Variants in LIFR observed in about 807,000 individuals in gnomAD.
LIFR encodes the protein leukemia inhibitory factor receptor.
A neutral mutation model predicts 122.2 loss-of-function variants in LIFR; 84 were observed. The observed-to-expected ratio is 0.69, with a 90% confidence interval of 0.58 to 0.82. LIFR has a LOEUF of 0.82. LIFR is among the 40% of genes least tolerant of loss of function. The pLI is 0.00. For missense variants in LIFR, 1,294 were observed against 1,311.6 expected (o/e 0.99, Z 0.21); for synonymous variants, 422 against 434.7 (o/e 0.97, Z 0.36).
At position 38,511,978 on chromosome 5, in the gene LIFR, CAAACACA is replaced by C; in HGVS notation, c.562-21_562-15del. 6.2e-7 allele frequency: 1 copy of C among 1,613,238 alleles called. No homozygotes were observed. The highest frequency in any genetic ancestry group is 8.5e-7 in the Non-Finnish European group (1 of 1,179,494). ...GTTGTGGGTCACCTAAAAATGAACA[CAAACACA>C]AAACTGTATTTCCAAGTAGCAATAT... On this transcript the variant is annotated splice_polypyrimidine_tract_variant and intron_variant, in intron 5 of 19. Transcript: ENST00000453190.
chr5:38,541,077 A>C (rs1747566737), intron 1 of LIFR, among the ~76,000 whole-genome samples: 1 of 152,200 alleles, frequency 6.6e-6, no homozygotes, highest in African/African-American at 2.4e-5. Flanking sequence ...TCAAAATCTT[A>C]AGCATCATCT....
intron 17 of LIFR, 131 bp downstream of exon 17, chr5:38,485,688 C>A: frequency 2.0e-6 from 2 of 979,374 alleles, no homozygotes; most frequent in South Asian, 2.8e-5. Context: ...CTTCCCTCTA[C>A]CAGCCAAAAA....
chr5:38,542,355 GATA>G (rs925993257), intron 1 of LIFR, among the ~76,000 whole-genome samples: 8 of 152,140 alleles, frequency 5.3e-5, no homozygotes, highest in Non-Finnish European at 7.4e-5. Context: ...AAAAGGACAT[GATA>G]GAAGACGGTA....
At chr5:38,581,444 G>C (rs1158689913) in intron 1 of LIFR, among the ~76,000 whole-genome samples, 1 of 152,126 alleles carries the variant, frequency 6.6e-6, no homozygotes, top group Non-Finnish European at 1.5e-5. Context: ...CCCTTTCATA[G>C]TCCTGTGCCT....
At chr5:38,606,406 A>G (rs1750330921) in intron 1 of LIFR, 1 of 152,278 alleles carries the variant, frequency 6.6e-6, no homozygotes, top group African/African-American at 2.4e-5. Context: ...AGATCTAGCC[A>G]GGAACCCATC....
chr5:38,565,338 A>AAAT (rs1580200656), intron 1 of LIFR, among the ~76,000 whole-genome samples: 1 of 152,164 alleles, frequency 6.6e-6, no homozygotes, highest in Non-Finnish European at 1.5e-5. Flanking sequence ...ATGAAAAAGA[A>AAAT]TATTAAGTCC....
intron 14 of LIFR, among the ~76,000 whole-genome samples, 181 bp downstream of exon 14, chr5:38,493,425 T>C (rs1744703813): frequency 6.6e-6 from 1 of 152,184 alleles, no homozygotes; most frequent in South Asian, 2.1e-4. Context: ...TCTAGACCAG[T>C]AATTACCAGA....
At chr5:38,584,519 A>C (rs1749685925) in intron 1 of LIFR, among the ~76,000 whole-genome samples, 2 of 152,106 alleles carry the variant, frequency 1.3e-5, no homozygotes, top group Admixed American at 1.3e-4. Flanking sequence ...CACACACTGG[A>C]ATATTATTTA....
At chr5:38,547,994 T>C (rs1380295214) in intron 1 of LIFR, among the ~76,000 whole-genome samples, 1 of 152,184 alleles carries the variant, frequency 6.6e-6, no homozygotes, top group African/African-American at 2.4e-5. Flanking sequence ...ATATATGGTC[T>C]GTTACTGACC....
chr5:38,528,943 G>A, intron 2 of LIFR, 103 bp from the exon 3 acceptor site: 1 of 750,824 alleles, frequency 1.3e-6, no homozygotes, highest in East Asian at 2.8e-5. Flanking sequence ...ACCATTTTCA[G>A]TTGTAAGCAC....
At chr5:38,517,152 C>G (rs563140640) in intron 5 of LIFR, among the ~76,000 whole-genome samples, 1 of 152,052 alleles carries the variant, frequency 6.6e-6, no homozygotes, top group Non-Finnish European at 1.5e-5. Flanking sequence ...ACGTATACAC[C>G]TATGTAACAA....
chr5:38,500,240 A>C (rs1219598951), intron 11 of LIFR, among the ~76,000 whole-genome samples: 1 of 151,984 alleles, frequency 6.6e-6, no homozygotes, highest in Non-Finnish European at 1.5e-5. Flanking sequence ...GATCCTACAA[A>C]CTCCATAGGC....
chr5:38,574,474 C>T (rs1749319197), intron 1 of LIFR, among the ~76,000 whole-genome samples: 1 of 152,172 alleles, frequency 6.6e-6, no homozygotes, highest in Non-Finnish European at 1.5e-5. Context: ...AGGACAAGGA[C>T]ACTTTTTTGT....
chr5:38,544,784 G>A (rs568367598), intron 1 of LIFR, among the ~76,000 whole-genome samples: 1 of 152,258 alleles, frequency 6.6e-6, no homozygotes, highest in East Asian at 1.9e-4. Context: ...AGCATAGGTG[G>A]GGAGGAAGAG....
At chr5:38,557,880 C>T (rs1012682867), upstream of LIFR, 4 of 152,166 alleles carry the variant, frequency 2.6e-5, no homozygotes, top group Non-Finnish European at 5.9e-5. Context: ...CTCCTGTTAC[C>T]CCTAAGACCT....
upstream of LIFR, among the ~76,000 whole-genome samples, chr5:38,597,416 C>G (rs1750129152): frequency 1.3e-5 from 2 of 152,188 alleles, no homozygotes; most frequent in Admixed American, 1.3e-4. Context: ...CCTAGCATCC[C>G]TCTAGCCCAG....
At chr5:38,522,660 G>C (rs1177459581) in intron 5 of LIFR, among the ~76,000 whole-genome samples, 1 of 152,196 alleles carries the variant, frequency 6.6e-6, no homozygotes, top group African/African-American at 2.4e-5. Flanking sequence ...GGTGCTAGCT[G>C]ACTATTGTTA....
In LIFR at chr5:38,547,011, A is replaced by G. The variant is rs1205551963; in HGVS notation, c.-20+9323T>C. Reference sequence around the variant, plus strand: ...TTGGTTGCTCTCCAGTCACCATTACATACTCAGTGCAGCTCATACAGTGTT... The same window carrying G: ...TTGGTTGCTCTCCAGTCACCATTACGTACTCAGTGCAGCTCATACAGTGTT... On this transcript the variant is annotated intron_variant, in intron 1 of 19. Transcript: ENST00000453190. Among the ~76,000 whole-genome samples the G allele has an allele frequency of 5.9e-5, 9 of 152,196 alleles. No individual in the cohort carries two copies. In the East Asian group the frequency reaches 1.3e-3, roughly 23 times the overall value.
Position 38,478,198 on chromosome 5 carries a change from T to C in LIFR, c.*3397A>G. On this transcript the variant is annotated 3_prime_UTR_variant, in exon 20 of 20. Coordinates refer to ENST00000453190, the MANE Select transcript of LIFR (RefSeq NM_001127671.2). ...AAGACAATTAAGAAACTATAGGACTTATTTCCAACAAGAATACAATATGCA... is the reference window on the plus strand; with the variant it reads ...AAGACAATTAAGAAACTATAGGACTCATTTCCAACAAGAATACAATATGCA... The C allele has an allele frequency of 4.8e-6, 1 of 207,930 alleles. No individual in the cohort carries two copies. 12.9% of individuals were successfully genotyped at this position (207,930 alleles called of 1,614,324 possible).
Sources: gnomAD v4.1 joint callset for allele counts (sites outside exome capture counted in the v4.1 genomes callset) on GRCh38, gnomAD v4.1.1 for gene constraint, MANE v1.5 for transcripts, NCBI Gene and HGNC (gene_info 2026-07-23, HGNC 2026-07-21) for gene names.